AMBRA1: variants seen among roughly 807,000 people sequenced by gnomAD.
AMBRA1 encodes the protein autophagy and beclin 1 regulator 1, also known as activating molecule in BECN1-regulated autophagy protein 1.
Under a neutral mutation model 125.4 loss-of-function variants are expected in AMBRA1, and 47 were observed. The ratio of observed to expected loss-of-function variants is 0.37; its 90% CI spans 0.30 to 0.48. The LOEUF (loss-of-function observed/expected upper bound fraction) is 0.48, where lower values mean the gene tolerates loss of function less well. Ranked by LOEUF, AMBRA1 falls within the 20% of genes least tolerant of loss-of-function variation. The pLI is 0.99. For synonymous variants in AMBRA1, 626 were observed against 655.5 expected (o/e 0.95, Z 0.69); for missense variants, 1,331 against 1,693.4 (o/e 0.79, Z 3.76).
At chr11:46,527,672 T>A (rs1034247999) in intron 7 of AMBRA1, among the ~76,000 whole-genome samples, 1 of 151,850 alleles carries the variant, frequency 6.6e-6, no homozygotes, top group African/African-American at 2.4e-5. Flanking sequence ...AATAATGATA[T>A]ACAAATGGTC....
At chr11:46,582,856 C>A (rs2135318179) in intron 1 of AMBRA1, among the ~76,000 whole-genome samples, 1 of 151,564 alleles carries the variant, frequency 6.6e-6, no homozygotes, top group South Asian at 2.1e-4. Flanking sequence ...AAACAAAAGT[C>A]TGAAAAGGTA....
chr11:46,536,518 G>T (rs1952486280), intron 7 of AMBRA1, among the ~76,000 whole-genome samples: 1 of 152,144 alleles, frequency 6.6e-6, no homozygotes, highest in African/African-American at 2.4e-5. Flanking sequence ...TAGATCAATG[G>T]CACAGAAAAA....
chr11:46,497,112 A>AAAAT (rs1216893211), intron 9 of AMBRA1, among the ~76,000 whole-genome samples: 2 of 151,904 alleles, frequency 1.3e-5, no homozygotes, highest in African/African-American at 4.8e-5. Flanking sequence ...CTCTGTCTCA[A>AAAAT]AAATAAATAA....
chr11:46,423,913 G>A (rs956167456), intron 14 of AMBRA1, among the ~76,000 whole-genome samples: 16 of 151,888 alleles, frequency 1.1e-4, no homozygotes, highest in African/African-American at 3.6e-4. Flanking sequence ...ACAGGCATGG[G>A]CCACCACGCC....
chr11:46,561,822 A>T (rs1210467863), intron 1 of AMBRA1, among the ~76,000 whole-genome samples: 4 of 152,232 alleles, frequency 2.6e-5, no homozygotes, highest in Non-Finnish European at 5.9e-5. Context: ...AAAAGAAGGC[A>T]TTAGATTTAA....
chr11:46,574,416 GTGA>G (rs1281315386), intron 1 of AMBRA1, among the ~76,000 whole-genome samples: 2 of 151,800 alleles, frequency 1.3e-5, no homozygotes, highest in Non-Finnish European at 2.9e-5. Flanking sequence ...CTGATGGCCA[GTGA>G]TGATGAGCAT....
chr11:46,571,810 C>T (rs550408933), intron 1 of AMBRA1, among the ~76,000 whole-genome samples: 85 of 150,924 alleles, frequency 5.6e-4, no homozygotes, highest in African/African-American at 1.9e-3. Context: ...CTGCCTCAGC[C>T]TCCTGAGTAG....
chr11:46,573,563 T>C (rs1040647936), intron 1 of AMBRA1, among the ~76,000 whole-genome samples: 7 of 152,120 alleles, frequency 4.6e-5, no homozygotes, highest in Admixed American at 1.3e-4. Flanking sequence ...AATTTAGCCA[T>C]CTTTTCAATC....
chr11:46,497,386 A>G (rs1441345032), intron 9 of AMBRA1, among the ~76,000 whole-genome samples: 3 of 152,186 alleles, frequency 2.0e-5, no homozygotes, highest in African/African-American at 7.2e-5. Flanking sequence ...ATGTTAAGTA[A>G]GGGGAGGTGC....
At chr11:46,471,439 A>T (rs1197051701) in intron 11 of AMBRA1, among the ~76,000 whole-genome samples, 1 of 151,578 alleles carries the variant, frequency 6.6e-6, no homozygotes, top group Non-Finnish European at 1.5e-5. Flanking sequence ...TTAGCTGGGC[A>T]TGGTGGCGGG....
At chr11:46,541,863 C>T (rs1952760162) in intron 7 of AMBRA1, 82 bp downstream of exon 7, 3 of 1,549,554 alleles carry the variant, frequency 1.9e-6, no homozygotes, top group Non-Finnish European at 2.6e-6. Context: ...ACTCCAGATA[C>T]AGCCACAACA....
At chr11:46,589,406 C>A (rs1379057012) in intron 1 of AMBRA1, among the ~76,000 whole-genome samples, 1 of 152,030 alleles carries the variant, frequency 6.6e-6, no homozygotes, top group Admixed American at 6.6e-5. Context: ...TTATGAGGAA[C>A]AATTGGAGAA....
Position 46,542,905 on chromosome 11 carries a change from A to G in AMBRA1, c.1112T>C (p.Phe371Ser). ...DQGLLNRPSA[F>S]STVQSSTAGN... ...GGCAGTGCTGCTCTGGACTGTACTG[A>G]AGGCAGACGGCCGGTTCAGGAGGCC... Residue 371 changes from phenylalanine (F) to serine (S), a missense_variant, in exon 7 of 18, where the codon TTC becomes TCC. Phe to Ser is a radical substitution (Grantham distance 155). Coordinates refer to ENST00000683756, the MANE Select transcript of AMBRA1 (RefSeq NM_001387011.1). This position sits in a 1 kb window ranked among gnomAD's most constrained non-coding sequence, Gnocchi z 5.9. 1.2e-6 allele frequency: 2 copies of G among 1,612,248 alleles called. No individual in the cohort carries two copies. Among genetic ancestry groups the G allele is most frequent in the Non-Finnish European group, 1.7e-6 (2 of 1,179,920 alleles).
At chr11:46,518,501 TA>T (rs1470576044) in intron 7 of AMBRA1, 1 of 151,398 alleles carries the variant, frequency 6.6e-6, no homozygotes, top group Non-Finnish European at 1.5e-5. Flanking sequence ...CAACTTGCCC[TA>T]ATGCTCTACA....
chr11:46,565,500 A>G (rs1416018555), intron 1 of AMBRA1, among the ~76,000 whole-genome samples: 1 of 150,280 alleles, frequency 6.7e-6, no homozygotes, highest in Non-Finnish European at 1.5e-5. Context: ...TGAGCCCAAG[A>G]GTTCAAGACC....
At chr11:46,428,282 A>C (rs1051141894) in intron 14 of AMBRA1, among the ~76,000 whole-genome samples, 2 of 152,056 alleles carry the variant, frequency 1.3e-5, no homozygotes, top group Admixed American at 6.5e-5. Context: ...CACTCACTCA[A>C]CTCTTGGCTA....
chr11:46,560,076 C>T (rs2043280644), intron 1 of AMBRA1, among the ~76,000 whole-genome samples: 1 of 152,150 alleles, frequency 6.6e-6, no homozygotes, highest in Non-Finnish European at 1.5e-5. Flanking sequence ...CCACAGATTA[C>T]ATTATCTCTA....
At chr11:46,446,016 C>A (rs770537493) in intron 11 of AMBRA1, among the ~76,000 whole-genome samples, 2 of 152,140 alleles carry the variant, frequency 1.3e-5, no homozygotes, top group Non-Finnish European at 2.9e-5. Flanking sequence ...ACTCCCAAAT[C>A]CCGGCTCCAG....
At chr11:46,403,925 T>A (rs1945879430) in intron 17 of AMBRA1, among the ~76,000 whole-genome samples, 1 of 152,024 alleles carries the variant, frequency 6.6e-6, no homozygotes. Context: ...TGTGGCTGCA[T>A]GTGGCGGCTC....
Sources: gnomAD v4.1 joint callset for allele counts (sites outside exome capture counted in the v4.1 genomes callset) on GRCh38, gnomAD v4.1.1 for gene constraint, Gnocchi (gnomAD v3.1) non-coding constraint, MANE v1.5 for transcripts, NCBI Gene and HGNC (gene_info 2026-07-23, HGNC 2026-07-21) for gene names.